DST: variants seen among roughly 807,000 people sequenced by gnomAD.
The protein encoded by DST is bullous pemphigoid antigen.
A neutral mutation model predicts 875.2 loss-of-function variants in DST; 253 were observed. The ratio of observed to expected loss-of-function variants is 0.29; its 90% confidence interval spans 0.26 to 0.32. The LOEUF is 0.32. Ranked by LOEUF, DST falls within the 10% of genes least tolerant of loss-of-function variation. The pLI is 1.00. For missense variants in DST, 8,287 were observed against 9,111.6 expected (o/e 0.91, Z 3.68); for synonymous variants, 3,124 against 3,197.1 (o/e 0.98, Z 0.77).
At chr6:56,925,970 A>G (rs1224779095) in intron 2 of DST, among the ~76,000 whole-genome samples, 1 of 152,202 alleles carries the variant, frequency 6.6e-6, no homozygotes, top group Non-Finnish European at 1.5e-5. Context: ...AGACTTTCAT[A>G]GTCTTGAAAC....
intron 4 of DST, among the ~76,000 whole-genome samples, chr6:56,737,216 A>T (rs948914342): frequency 1.3e-5 from 2 of 152,152 alleles, no homozygotes; most frequent in African/African-American, 4.8e-5. Flanking sequence ...AAATAACAAT[A>T]AAAATGTAAT....
rs1169943902 is a variant in DST at position 56,629,295 on chromosome 6, T to C, written c.4430A>G (p.Gln1477Arg). The change falls in exon 32 of 104, where the codon CAA (glutamine) becomes CGA (arginine). Residue 1477 changes from glutamine (Q) to arginine (R), a missense_variant. Around this residue, in one of 10 missense-constraint regions of DST, gnomAD observed 3,138 missense variants for 3,116.6 expected, o/e 1.01. Transcript: ENST00000680361. Reference protein sequence around the residue: ...DFDWHKEKADQLVERWQNVHV... With the variant: ...DFDWHKEKADRLVERWQNVHV... ...AACATTTTGCCACCTTTCAACTAAT[T>C]GATCTGCTTTTTCTTTGTGCCAGTC... 7 of 1,613,786 alleles carry C rather than the reference T, an allele frequency of 4.3e-6. No individual in the cohort carries two copies. The highest frequency in any genetic ancestry group is 5.9e-6 in the Non-Finnish European group (7 of 1,179,790).
At position 56,651,147 on chromosome 6, in the gene DST, G is replaced by A. The variant is rs2098973712; in HGVS notation, c.1312C>T (p.Leu438Phe). 6.2e-7 allele frequency: 1 copy of A among 1,612,274 alleles called. No homozygotes were observed. ...AATAACTCACCTTCAGGGTCCAGAA[G>A]TCTTATAACACCAATTTTTTCTGCT... ...YVAEKIGVIR[L>F]LDPEDVDVSS... is the part of the protein sequence containing the mutation. The change falls in exon 11 of 104, where the codon CTT becomes TTT. Residue 438 changes from leucine to phenylalanine, a missense_variant. Leu to Phe is a conservative substitution (Grantham distance 22, BLOSUM62 0). Around this residue, in one of 10 missense-constraint regions of DST, gnomAD observed 1,160 missense variants for 1,424.3 expected, o/e 0.81. Coordinates refer to ENST00000680361, the MANE Select transcript of DST (RefSeq NM_001374736.1).
At chr6:56,639,077 G>T in intron 22 of DST, 182 bp downstream of exon 22, 1 of 632,700 alleles carries the variant, frequency 1.6e-6, no homozygotes, top group Non-Finnish European at 2.8e-6. Flanking sequence ...TCTAAGTGAT[G>T]GGTGACATAC....
At chr6:56,561,104 C>T (rs564954745) in intron 57 of DST, among the ~76,000 whole-genome samples, 1 of 152,248 alleles carries the variant, frequency 6.6e-6, no homozygotes, top group South Asian at 2.1e-4. Flanking sequence ...TAACCTATGA[C>T]ATGGCTGTGC....
At chr6:56,847,002 CAAAAAA>C (rs569665465) in intron 4 of DST, among the ~76,000 whole-genome samples, 25 of 52,004 alleles carry the variant, frequency 4.8e-4, no homozygotes, top group South Asian at 4.7e-3. Context: ...GACCCTGTCT[CAAAAAA>C]AAAAAAAAAA....
intron 4 of DST, chr6:56,742,305 C>T: frequency 2.3e-6 from 3 of 1,289,796 alleles, no homozygotes; most frequent in South Asian, 2.5e-5. Flanking sequence ...GCTTTGCGTT[C>T]CAATCTTGAT....
intron 4 of DST, among the ~76,000 whole-genome samples, chr6:56,778,100 G>A (rs1034111057): frequency 1.3e-5 from 2 of 152,024 alleles, no homozygotes; most frequent in African/African-American, 2.4e-5. Flanking sequence ...ATTATATCAC[G>A]TATAAGCACA....
intron 98 of DST, 78 bp from the exon 99 acceptor site, chr6:56,466,273 G>A: frequency 1.0e-6 from 1 of 981,704 alleles, no homozygotes. Context: ...ATTTGCAGTA[G>A]CTAAAGCAAC....
intron 22 of DST, among the ~76,000 whole-genome samples, chr6:56,638,476 G>A (rs2098846468): frequency 6.6e-6 from 1 of 152,024 alleles, no homozygotes; most frequent in Non-Finnish European, 1.5e-5. Context: ...TTCCTCAATT[G>A]TGAGTTTGAA....
In DST at chr6:56,831,835, A is replaced by G. The variant is rs142964277; in HGVS notation, c.625+19562T>C. ...ATGGGTATGAGGGAATAGAGAATAT[A>G]CTAGATGGTAATGTGTTCACTTGAA... On this transcript the variant is annotated intron_variant, in intron 4 of 103. Coordinates refer to ENST00000680361, the MANE Select transcript of DST (RefSeq NM_001374736.1). Among the ~76,000 whole-genome samples, 1,378 of 152,198 alleles carry G rather than the reference A, an allele frequency of 9.1e-3. 18 individuals are homozygous for G. Among genetic ancestry groups the G allele is most frequent in the African/African-American group, 0.031 (1,268 of 41,518 alleles).
intron 5 of DST, among the ~76,000 whole-genome samples, chr6:56,705,271 A>G (rs1231331632): frequency 6.6e-6 from 1 of 152,226 alleles, no homozygotes; most frequent in African/African-American, 2.4e-5. Context: ...GAAAGGAGCC[A>G]AAGAAGTGGG....
intron 4 of DST, among the ~76,000 whole-genome samples, chr6:56,832,402 G>A (rs1316715072): frequency 6.6e-6 from 1 of 152,104 alleles, no homozygotes; most frequent in Non-Finnish European, 1.5e-5. Flanking sequence ...CCCTGCACAA[G>A]TTCTTTCTCT....
chr6:56,720,761 C>A (rs2099411641), intron 5 of DST, among the ~76,000 whole-genome samples: 1 of 152,206 alleles, frequency 6.6e-6, no homozygotes, highest in Admixed American at 6.5e-5. Context: ...ACTTTCCACA[C>A]AGACACAGTA....
intron 2 of DST, among the ~76,000 whole-genome samples, chr6:56,933,272 C>G (rs1811231367): frequency 6.6e-6 from 1 of 152,156 alleles, no homozygotes; most frequent in East Asian, 1.9e-4. Context: ...TCAAGATATC[C>G]CACCCTTTGT....
intron 2 of DST, among the ~76,000 whole-genome samples, chr6:56,934,357 G>T (rs17685218): frequency 6.6e-6 from 1 of 151,278 alleles, no homozygotes; most frequent in Non-Finnish European, 1.5e-5. Context: ...AATGGCAACT[G>T]TTGCTTTTCT....
chr6:56,792,781 T>C (rs767344955), intron 4 of DST, among the ~76,000 whole-genome samples: 44 of 152,070 alleles, frequency 2.9e-4, no homozygotes, highest in Non-Finnish European at 4.6e-4. Context: ...ATAAGACAAA[T>C]GGTTGGCTGG....
chr6:56,691,620 A>G (rs1322451429), intron 9 of DST, among the ~76,000 whole-genome samples: 1 of 152,168 alleles, frequency 6.6e-6, no homozygotes, highest in East Asian at 1.9e-4. Context: ...TATGTGGATA[A>G]TACATTTTTT....
intron 4 of DST, among the ~76,000 whole-genome samples, chr6:56,786,782 C>G (rs2099706321): frequency 6.6e-6 from 1 of 152,168 alleles, no homozygotes; most frequent in African/African-American, 2.4e-5. Flanking sequence ...CTCAGCCTCC[C>G]AAAGTGCTGG....
Sources: allele counts gnomAD v4.1 joint callset (sites outside exome capture counted in the v4.1 genomes callset), GRCh38; gene constraint gnomAD v4.1.1; regional missense constraint gnomAD v4.1.1; transcripts MANE v1.5; gene names NCBI Gene and HGNC (gene_info 2026-07-23, HGNC 2026-07-21).